Variants in JDP2 observed in about 807,000 individuals in gnomAD.
The protein encoded by JDP2 is Jun dimerization protein 2.
JDP2 carries 9 observed loss-of-function variants against 17.1 expected under a neutral mutation model. The observed-to-expected ratio is 0.53, with a 90% CI of 0.32 to 0.92. The LOEUF is 0.92. JDP2 is among the 40% of genes least tolerant of loss of function. JDP2 has a pLI of 0.04. For synonymous variants in JDP2, 107 were observed against 95.6 expected, an observed-to-expected ratio of 1.12 and a Z score of -0.69; for missense variants, 179 against 220.0, an observed-to-expected ratio of 0.81 and a Z score of 1.18.
chr14:75,444,399 G>T (rs1331091940), intron 2 of JDP2, among the ~76,000 whole-genome samples: 29 of 152,200 alleles, frequency 1.9e-4, no homozygotes, highest in Admixed American at 1.9e-3. Context: ...CCTCGGAGAT[G>T]GTGGGTGGTC....
rs569714123 is a variant in JDP2 at position 75,437,911 on chromosome 14, T to C, written c.-10T>C. On this transcript the variant is annotated 5_prime_UTR_variant, in exon 2 of 4. Transcript: ENST00000651602. The stretch of plus-strand genomic sequence containing the variant: ...TGCCCACTCCAGGCTGGCCTGCCAC[T>C]CCTCCTGCTATGATGCCTGGGCAGA... The C allele has an allele frequency of 3.7e-3, 5,953 of 1,597,870 alleles. 60 individuals carry two copies. The highest frequency in any genetic ancestry group is 0.023 in the South Asian group (2,089 of 89,360).
At chr14:75,464,512 G>A (rs1886487902) in intron 3 of JDP2, among the ~76,000 whole-genome samples, 1 of 152,204 alleles carries the variant, frequency 6.6e-6, no homozygotes, top group African/African-American at 2.4e-5. Context: ...ATGATTTAAA[G>A]TATACGGGAG....
chr14:75,435,962 C>T (rs1321126252), intron 1 of JDP2, among the ~76,000 whole-genome samples: 5 of 152,252 alleles, frequency 3.3e-5, no homozygotes, highest in Middle Eastern at 3.4e-3. Context: ...GATGAAATGG[C>T]GGGTCCACTT....
intron 1 of JDP2, among the ~76,000 whole-genome samples, chr14:75,434,140 T>C (rs1884949377): frequency 6.6e-6 from 1 of 152,208 alleles, no homozygotes; most frequent in Admixed American, 6.5e-5. Flanking sequence ...CCACCTCCAC[T>C]GCCCCCCACT....
rs1886779736 is a variant in JDP2, at chr14:75,470,507, G to A, written c.*1032G>A. ...GGGAATGGGTGCAAGGCCCTCTCAG[G>A]GTCGGAGACTGTTTGGAGCCTCTGC... On this transcript the variant is annotated 3_prime_UTR_variant, in exon 4 of 4. Transcript: ENST00000651602. 6.6e-6 allele frequency: 1 copy of A among 152,332 alleles called. No individual in the cohort carries two copies. Among genetic ancestry groups the A allele is most frequent in the Non-Finnish European group, 1.5e-5 (1 of 68,064 alleles). 9.4% of individuals were successfully genotyped at this position (152,332 alleles called of 1,614,324 possible).
intron 2 of JDP2, among the ~76,000 whole-genome samples, chr14:75,443,528 C>T (rs957223843): frequency 3.3e-5 from 5 of 151,840 alleles, no homozygotes; most frequent in Non-Finnish European, 7.4e-5. Context: ...ACTTTAGTTC[C>T]GTTACTTTGT....
At chr14:75,439,961 C>T (rs1183517654) in intron 2 of JDP2, among the ~76,000 whole-genome samples, 3 of 152,128 alleles carry the variant, frequency 2.0e-5, no homozygotes, top group African/African-American at 7.2e-5. Context: ...AGCTGGGATT[C>T]GCCTGGGGGG....
At chr14:75,435,634 G>C (rs1189656824) in intron 1 of JDP2, among the ~76,000 whole-genome samples, 1 of 152,222 alleles carries the variant, frequency 6.6e-6, no homozygotes, top group Non-Finnish European at 1.5e-5. Context: ...CCTTGGGGAG[G>C]CCATTTAGCC....
chr14:75,452,738 G>A (rs1885918882), intron 2 of JDP2, among the ~76,000 whole-genome samples: 1 of 152,170 alleles, frequency 6.6e-6, no homozygotes, highest in African/African-American at 2.4e-5. Flanking sequence ...CAGGAGGGGT[G>A]GCCACCGCCC....
intron 2 of JDP2, among the ~76,000 whole-genome samples, chr14:75,443,509 G>A (rs891113019): frequency 6.6e-6 from 1 of 151,944 alleles, no homozygotes; most frequent in African/African-American, 2.4e-5. Flanking sequence ...TTTGAAATCC[G>A]TAATTTCCAC....
intron 2 of JDP2, among the ~76,000 whole-genome samples, chr14:75,456,448 CG>C (rs1886111124): frequency 6.6e-6 from 1 of 152,112 alleles, no homozygotes; most frequent in South Asian, 2.1e-4. Flanking sequence ...GTGAGGTGCC[CG>C]GGGGCGTGGC....
At chr14:75,443,983 G>A (rs1322331890) in intron 2 of JDP2, among the ~76,000 whole-genome samples, 1 of 151,842 alleles carries the variant, frequency 6.6e-6, no homozygotes, top group Non-Finnish European at 1.5e-5. Context: ...GCTCACTGCA[G>A]CCTTGACCTC....
intron 1 of JDP2, among the ~76,000 whole-genome samples, chr14:75,431,764 T>C (rs1260807946): frequency 6.6e-6 from 1 of 152,124 alleles, no homozygotes; most frequent in Non-Finnish European, 1.5e-5. Flanking sequence ...CTGGGGAGAA[T>C]CCTCTTCATG....
rs1435446896 is a variant in JDP2, at chr14:75,474,039, T to G, written c.*4564T>G. The G allele has an allele frequency of 6.6e-6, 1 of 152,204 alleles. No individual in the cohort carries two copies. The highest frequency in any genetic ancestry group is 1.5e-5 in the Non-Finnish European group (1 of 68,042). The allele number at this position is 152,204 out of a possible 1,614,324, so 9.4% of individuals were successfully genotyped here. A position where few individuals can be genotyped will look rare whatever the true frequency, so the allele number is the denominator to read the frequency against. On this transcript the variant is annotated 3_prime_UTR_variant, in exon 4 of 4. Transcript: ENST00000651602. ...GAGGTGGGTGATGTGTGCACAGATG[T>G]GGGCTATCTTCTCCACACTCCTCTG...
intron 2 of JDP2, among the ~76,000 whole-genome samples, chr14:75,443,791 T>C (rs763480385): frequency 2.0e-4 from 31 of 152,238 alleles, no homozygotes; most frequent in Non-Finnish European, 4.0e-4. Flanking sequence ...GATCTCTATG[T>C]CCTTAGCAGA....
intron 2 of JDP2, among the ~76,000 whole-genome samples, chr14:75,439,702 G>T (rs1232273374): frequency 6.6e-6 from 1 of 152,218 alleles, no homozygotes; most frequent in Admixed American, 6.5e-5. Context: ...CTTCTGAATT[G>T]ATCTTGTAAG....
chr14:75,432,335 A>G (rs1173336649), intron 1 of JDP2: 8 of 1,551,544 alleles, frequency 5.2e-6, no homozygotes, highest in Middle Eastern at 1.7e-4. Context: ...TCATGGTAGC[A>G]GGTACTATGC....
intron 3 of JDP2, among the ~76,000 whole-genome samples, chr14:75,467,676 T>C (rs903753952): frequency 5.3e-5 from 8 of 152,070 alleles, no homozygotes; most frequent in Admixed American, 2.0e-4. Context: ...GGGGCTGACA[T>C]TGGCACCTAA....
chr14:75,432,095 C>A (rs187953917), intron 1 of JDP2: 5 of 577,544 alleles, frequency 8.7e-6, no homozygotes, highest in Non-Finnish European at 1.5e-5. Flanking sequence ...CACTCTTAAC[C>A]CCCCCTTCCT....
Sources: gnomAD v4.1 joint callset for allele counts (sites outside exome capture counted in the v4.1 genomes callset) on GRCh38, gnomAD v4.1.1 for gene constraint, MANE v1.5 for transcripts, NCBI Gene and HGNC (gene_info 2026-07-23, HGNC 2026-07-21) for gene names.